The following CD55 variants were observed in gnomAD, a reference collection of about 807,000 sequenced individuals.
CD55 encodes complement decay-accelerating factor.
A neutral mutation model predicts 45.8 loss-of-function variants in CD55; 41 were observed. The observed-to-expected ratio is 0.90, with a 90% confidence interval of 0.70 to 1.16. CD55 has a LOEUF of 1.16. Ranked by LOEUF, CD55 falls within the 50% of genes most tolerant of loss-of-function variation. The pLI is 0.00. For missense variants in CD55, 416 were observed against 469.8 expected, an observed-to-expected ratio of 0.89 and a Z score of 1.06; for synonymous variants, 181 against 181.1, an observed-to-expected ratio of 1.00 and a Z score of 0.01.
intron 9 of CD55, chr1:207,353,883 C>A: frequency 2.7e-6 from 2 of 733,360 alleles, no homozygotes; most frequent in South Asian, 2.5e-5. Context: ...AATCTCTTCC[C>A]AGGGTGCCTT....
intron 1 of CD55, 85 bp from the exon 2 acceptor site, chr1:207,322,297 A>G: frequency 8.9e-7 from 1 of 1,123,788 alleles, no homozygotes; most frequent in Non-Finnish European, 1.4e-6. Flanking sequence ...CAGGTGTGGC[A>G]TTTCAAGGGG....
At chr1:207,351,523 T>A (rs1460260874) in intron 9 of CD55, among the ~76,000 whole-genome samples, 1 of 152,214 alleles carries the variant, frequency 6.6e-6, no homozygotes, top group Non-Finnish European at 1.5e-5. Flanking sequence ...ATCTGGATGA[T>A]CCAGTGTTGG....
intron 9 of CD55, among the ~76,000 whole-genome samples, chr1:207,352,368 C>A (rs897898184): frequency 6.6e-6 from 1 of 151,960 alleles, no homozygotes; most frequent in Non-Finnish European, 1.5e-5. Context: ...ACATATATAT[C>A]TGCACTCTGT....
chr1:207,325,050 A>G (rs1654610940), intron 3 of CD55, among the ~76,000 whole-genome samples: 1 of 152,156 alleles, frequency 6.6e-6, no homozygotes, highest in Non-Finnish European at 1.5e-5. Context: ...AAAGAAGTCT[A>G]AGGGTCAGGC....
At chr1:207,338,847 C>T (rs1241032612) in intron 8 of CD55, among the ~76,000 whole-genome samples, 1 of 152,130 alleles carries the variant, frequency 6.6e-6, no homozygotes, top group Non-Finnish European at 1.5e-5. Flanking sequence ...TTCTAAATGG[C>T]ACTCTTGAGT....
chr1:207,359,402 C>A, intron 9 of CD55, 144 bp from the exon 10 acceptor site: 1 of 701,072 alleles, frequency 1.4e-6, no homozygotes, highest in Non-Finnish European at 2.2e-6. Flanking sequence ...TATTCTATTA[C>A]TCATTATTTT....
intron 5 of CD55, among the ~76,000 whole-genome samples, chr1:207,328,799 G>A (rs1309955123): frequency 6.6e-6 from 1 of 152,104 alleles, no homozygotes; most frequent in Non-Finnish European, 1.5e-5. Flanking sequence ...CTCTCCATCT[G>A]TATATTTCTA....
Position 207,332,299 on chromosome 1 carries a change from A to AT in CD55, c.853+1011dup, listed in dbSNP as rs201499932. Among the ~76,000 whole-genome samples, 678 of 152,000 alleles carry AT rather than the reference A, an allele frequency of 4.5e-3. 5 individuals are homozygous for AT. The highest frequency in any genetic ancestry group is 0.014 in the African/African-American group (597 of 41,474). On this transcript the variant is annotated intron_variant, in intron 6 of 9. Coordinates refer to ENST00000367064, the MANE Select transcript of CD55 (RefSeq NM_000574.5). The stretch of plus-strand genomic sequence containing the variant: ...AATTTAGGTTTTTTGTTCTAGTTTG[A>AT]TTTTTTTTATGAACTATTATTACAA...
At chr1:207,338,558 A>G (rs1655283424) in intron 8 of CD55, among the ~76,000 whole-genome samples, 1 of 152,292 alleles carries the variant, frequency 6.6e-6, no homozygotes. Flanking sequence ...CAATTATAAT[A>G]TATCAATATT....
At chr1:207,330,975 G>A in intron 5 of CD55, 133 bp from the exon 6 acceptor site, 1 of 690,508 alleles carries the variant, frequency 1.4e-6, no homozygotes, top group Non-Finnish European at 2.4e-6. Flanking sequence ...AGCATCTCTT[G>A]TTGGTAATGC....
chr1:207,351,890 C>T (rs1346967403), intron 9 of CD55, among the ~76,000 whole-genome samples: 1 of 152,048 alleles, frequency 6.6e-6, no homozygotes, highest in Non-Finnish European at 1.5e-5. Context: ...GGAAGTCCTT[C>T]CTTCTTAAAC....
intron 5 of CD55, among the ~76,000 whole-genome samples, chr1:207,328,620 A>G (rs6699517): frequency 0.015 from 2,309 of 152,212 alleles, 27 homozygotes; most frequent in Non-Finnish European, 0.024. Context: ...CTCTCTGCCA[A>G]TGTTTTCTTT....
At chr1:207,349,235 T>G (rs1572898376) in intron 9 of CD55, among the ~76,000 whole-genome samples, 1 of 150,876 alleles carries the variant, frequency 6.6e-6, no homozygotes, top group South Asian at 2.1e-4. Flanking sequence ...CAGGCTGGAG[T>G]GCAGTGGCAT....
chr1:207,348,669 C>T (rs1311582183), intron 9 of CD55, among the ~76,000 whole-genome samples: 1 of 152,080 alleles, frequency 6.6e-6, no homozygotes. Context: ...AATGGTATTT[C>T]CTAGGTTTTC....
intron 6 of CD55, 140 bp downstream of exon 6, chr1:207,331,436 A>G (rs1246682489): frequency 3.0e-6 from 2 of 662,948 alleles, no homozygotes; most frequent in African/African-American, 1.8e-5. Context: ...GTGGGACACA[A>G]TTTTTCTACA....
At chr1:207,336,652 C>T (rs371822491) in intron 6 of CD55, 41 bp from the exon 7 acceptor site, 35 of 1,608,196 alleles carry the variant, frequency 2.2e-5, no homozygotes, top group Non-Finnish European at 2.8e-5. Flanking sequence ...ATGTGGCCAG[C>T]AATATTTAGC....
intron 9 of CD55, chr1:207,347,361 G>T: frequency 2.7e-6 from 1 of 369,482 alleles, no homozygotes; most frequent in South Asian, 2.0e-5. Flanking sequence ...CCGGGTTCAC[G>T]CCATTCTCCT....
chr1:207,351,042 T>C (rs767494115), intron 9 of CD55, among the ~76,000 whole-genome samples: 1 of 152,198 alleles, frequency 6.6e-6, no homozygotes, highest in African/African-American at 2.4e-5. Flanking sequence ...CACTCTGGTA[T>C]GTTGTATCTT....
chr1:207,325,063 G>A (rs1654611550), intron 3 of CD55, among the ~76,000 whole-genome samples: 1 of 152,146 alleles, frequency 6.6e-6, no homozygotes, highest in Non-Finnish European at 1.5e-5. Context: ...GGTCAGGCAT[G>A]GTGGCTCATA....
Sources: gnomAD v4.1 joint callset for allele counts (sites outside exome capture counted in the v4.1 genomes callset) on GRCh38, gnomAD v4.1.1 for gene constraint, MANE v1.5 for transcripts, NCBI Gene and HGNC (gene_info 2026-07-23, HGNC 2026-07-21) for gene names.